Variants in RNF169 observed in about 807,000 individuals in gnomAD.
The protein encoded by RNF169 is E3 ubiquitin-protein ligase RNF169.
In RNF169, 24 loss-of-function variants were observed where a neutral mutation model predicts 53.9. That is an observed-to-expected ratio of 0.45 (90% CI 0.32 to 0.63). The LOEUF (loss-of-function observed/expected upper bound fraction) is 0.63. Among genes scored for constraint, RNF169 ranks in the 20% least tolerant of loss-of-function variants. RNF169 has a pLI of 0.04. For missense variants in RNF169, 883 were observed against 906.2 expected, an observed-to-expected ratio of 0.97 and a Z score of 0.33; for synonymous variants, 396 against 363.5, an observed-to-expected ratio of 1.09 and a Z score of -1.02.
At chr11:74,752,462 T>C (rs1358246744) in intron 1 of RNF169, among the ~76,000 whole-genome samples, 1 of 151,846 alleles carries the variant, frequency 6.6e-6, no homozygotes, top group Non-Finnish European at 1.5e-5. Flanking sequence ...CCAGGTGCGG[T>C]GGCACACGCC....
intron 1 of RNF169, among the ~76,000 whole-genome samples, chr11:74,756,289 A>G (rs2034981922): frequency 6.6e-6 from 1 of 152,182 alleles, no homozygotes; most frequent in Non-Finnish European, 1.5e-5. Flanking sequence ...GCAAGATATA[A>G]TTGTAGAAGG....
intron 2 of RNF169, among the ~76,000 whole-genome samples, chr11:74,802,200 CT>C (rs1233522046): frequency 6.6e-6 from 1 of 152,192 alleles, no homozygotes; most frequent in Non-Finnish European, 1.5e-5. Context: ...GCACTGCCCC[CT>C]ATAAGCCCTA....
chr11:74,798,672 GAAAATCTCTAATA>G (rs1269329882), intron 2 of RNF169, among the ~76,000 whole-genome samples: 1 of 152,054 alleles, frequency 6.6e-6, no homozygotes, highest in Non-Finnish European at 1.5e-5. Context: ...CTCCCCTTTT[GAAAATCTCTAATA>G]AAAACTTGCT....
At chr11:74,752,252 A>AAAG (rs2034907763) in intron 1 of RNF169, among the ~76,000 whole-genome samples, 1 of 138,454 alleles carries the variant, frequency 7.2e-6, no homozygotes, top group Admixed American at 7.2e-5. Flanking sequence ...AAAAAAAAAA[A>AAAG]GGGAAAAAAA....
intron 1 of RNF169, among the ~76,000 whole-genome samples, chr11:74,781,067 C>A (rs11236246): frequency 6.6e-6 from 1 of 152,178 alleles, no homozygotes; most frequent in Admixed American, 6.5e-5. Flanking sequence ...TCACAGAAAG[C>A]TACTGAAAAG....
intron 2 of RNF169, among the ~76,000 whole-genome samples, chr11:74,790,130 T>C (rs527292226): frequency 1.3e-5 from 2 of 152,354 alleles, no homozygotes; most frequent in East Asian, 1.9e-4. Context: ...AGTAAGGAGA[T>C]AGTGAAATAA....
chr11:74,810,367 A>G (rs1565182863), intron 3 of RNF169, 37 bp downstream of exon 3: 2 of 1,606,708 alleles, frequency 1.2e-6, no homozygotes, highest in Non-Finnish European at 1.7e-6. Context: ...ACCTGCCTCA[A>G]AAATCAGTGG....
chr11:74,767,651 C>G (rs1380208689), intron 1 of RNF169, among the ~76,000 whole-genome samples: 1 of 152,020 alleles, frequency 6.6e-6, no homozygotes, highest in Non-Finnish European at 1.5e-5. Context: ...CTCACTGCAA[C>G]CTCCGCCTCC....
chr11:74,755,303 A>T (rs770866889), intron 1 of RNF169, among the ~76,000 whole-genome samples: 4 of 152,268 alleles, frequency 2.6e-5, no homozygotes, highest in African/African-American at 9.6e-5. Flanking sequence ...GTATGAATTC[A>T]GAATTGAACA....
chr11:74,781,492 C>T (rs954556448), intron 1 of RNF169, among the ~76,000 whole-genome samples: 3 of 152,186 alleles, frequency 2.0e-5, no homozygotes, highest in Non-Finnish European at 4.4e-5. Context: ...ATTTGAAGGA[C>T]ATTTAGGTTG....
In RNF169 at chr11:74,789,639, A is replaced by G. The variant is rs780729659; in HGVS notation, c.516A>G (p.Arg172=). The G allele has an allele frequency of 1.2e-6, 2 of 1,609,060 alleles. No individual in the cohort carries two copies. Among genetic ancestry groups the G allele is most frequent in the Non-Finnish European group, 1.7e-6 (2 of 1,176,030 alleles). ...AAPAEPDFIF[R]APIKLSKPGE... is the part of the protein sequence containing the mutation. Reference sequence around the variant, plus strand: ...CCTTTCTTTCAGACTTTATATTCAGAGCACCAATCAAATTAAGCAAGCCTG... The same window carrying G: ...CCTTTCTTTCAGACTTTATATTCAGGGCACCAATCAAATTAAGCAAGCCTG... The change falls in exon 2 of 6, where the codon AGA becomes AGG. Residue 172 remains arginine (R), a synonymous_variant. Coordinates refer to ENST00000299563, the MANE Select transcript of RNF169 (RefSeq NM_001098638.2).
intron 1 of RNF169, among the ~76,000 whole-genome samples, chr11:74,762,325 A>G (rs1193943942): frequency 6.6e-6 from 1 of 151,000 alleles, no homozygotes; most frequent in Non-Finnish European, 1.5e-5. Flanking sequence ...TTCTCCATCC[A>G]GCTTTGTTCC....
chr11:74,793,029 A>G (rs1376815467), intron 2 of RNF169, among the ~76,000 whole-genome samples: 5 of 152,250 alleles, frequency 3.3e-5, no homozygotes, highest in Non-Finnish European at 5.9e-5. Context: ...ATATCCATAC[A>G]ATGGCATACT....
intron 1 of RNF169, among the ~76,000 whole-genome samples, chr11:74,772,779 AT>A (rs947905757): frequency 2.6e-5 from 4 of 152,178 alleles, no homozygotes; most frequent in East Asian, 1.9e-4. Context: ...TAAGATTAGC[AT>A]TTTTTTAAAG....
intron 1 of RNF169, among the ~76,000 whole-genome samples, chr11:74,765,918 G>T (rs1384953739): frequency 6.6e-6 from 1 of 151,410 alleles, no homozygotes; most frequent in African/African-American, 2.4e-5. Flanking sequence ...AGATAGGAAA[G>T]AATAAAGAGC....
intron 2 of RNF169, among the ~76,000 whole-genome samples, chr11:74,797,942 A>G (rs191434892): frequency 3.9e-4 from 59 of 152,348 alleles, no homozygotes; most frequent in African/African-American, 1.3e-3. Context: ...CTTTACTGCA[A>G]TCTCTAAACA....
At position 74,834,697 on chromosome 11, in the gene RNF169, A is replaced by G. The variant is rs968330285; in HGVS notation, c.864A>G (p.Glu288=). The part of the protein sequence containing the change: ...FLAGKLNSKV[E]RSQSCSDTAQ... ...TTAGGAAGCTAAACTCCAAGGTGGA[A>G]AGGAGTCAGAGCTGTAGTGACACAG... The change falls in exon 5 of 6, where the codon GAA becomes GAG. Residue 288 remains glutamate (E), a synonymous_variant. Coordinates refer to ENST00000299563, the MANE Select transcript of RNF169 (RefSeq NM_001098638.2). 6.2e-7 allele frequency: 1 copy of G among 1,612,762 alleles called. No individual in the cohort carries two copies. Among genetic ancestry groups the G allele is most frequent in the Non-Finnish European group, 8.5e-7 (1 of 1,179,528 alleles).
At chr11:74,790,471 G>A (rs2035563650) in intron 2 of RNF169, among the ~76,000 whole-genome samples, 2 of 152,218 alleles carry the variant, frequency 1.3e-5, no homozygotes, top group South Asian at 2.1e-4. Flanking sequence ...GATCCTTGGG[G>A]TGTCGCTTTG....
chr11:74,813,441 T>TA (rs2035901149), intron 3 of RNF169, among the ~76,000 whole-genome samples: 1 of 152,212 alleles, frequency 6.6e-6, no homozygotes, highest in African/African-American at 2.4e-5. Flanking sequence ...TTTAATCCAA[T>TA]AATAATGCGA....
Sources: allele counts gnomAD v4.1 joint callset (sites outside exome capture counted in the v4.1 genomes callset), GRCh38; gene constraint gnomAD v4.1.1; transcripts MANE v1.5; gene names NCBI Gene and HGNC (gene_info 2026-07-23, HGNC 2026-07-21).